The following PHF11 variants were observed in gnomAD, a reference collection of about 807,000 sequenced individuals.
The protein encoded by PHF11 is PHD finger protein 11, also known as BRCA1 C-terminus-associated protein.
In PHF11, 38 loss-of-function variants were observed where a neutral mutation model predicts 40.5. That is an observed-to-expected ratio of 0.94 (90% CI 0.72 to 1.23). PHF11 has a LOEUF of 1.23. PHF11 is among the 50% of genes most tolerant of loss of function. PHF11 has a pLI of 0.00. For missense variants in PHF11, 369 were observed against 392.4 expected (o/e 0.94, Z 0.50); for synonymous variants, 127 against 138.2 (o/e 0.92, Z 0.57).
chr13:49,519,076 C>T (rs1324772623), intron 4 of PHF11, among the ~76,000 whole-genome samples: 1 of 152,060 alleles, frequency 6.6e-6, no homozygotes, highest in Non-Finnish European at 1.5e-5. Flanking sequence ...ACCTCGTGAT[C>T]CGCCCGCCTC....
chr13:49,516,864 C>A (rs750029718), intron 3 of PHF11, among the ~76,000 whole-genome samples: 1 of 152,180 alleles, frequency 6.6e-6, no homozygotes, highest in African/African-American at 2.4e-5. Context: ...GGATTACAGG[C>A]ATGGGCCACC....
chr13:49,525,894 C>T (rs904145534), intron 8 of PHF11: 7 of 433,020 alleles, frequency 1.6e-5, no homozygotes, highest in Admixed American at 2.7e-5. Flanking sequence ...GGGGGCCAGG[C>T]GCGGTGGCTC....
chr13:49,498,695 A>T (rs1958858877), intron 1 of PHF11, among the ~76,000 whole-genome samples: 1 of 152,244 alleles, frequency 6.6e-6, no homozygotes, highest in Non-Finnish European at 1.5e-5. Flanking sequence ...TAAAGAATGC[A>T]GTGGGATCAT....
intron 3 of PHF11, among the ~76,000 whole-genome samples, chr13:49,515,502 AC>A (rs1178625697): frequency 7.3e-5 from 8 of 110,320 alleles, no homozygotes; most frequent in Non-Finnish European, 1.5e-4. Context: ...ACACACACAC[AC>A]ATTCTCCATC....
chr13:49,508,780 G>A (rs1196308246), intron 2 of PHF11, among the ~76,000 whole-genome samples: 1 of 151,764 alleles, frequency 6.6e-6, no homozygotes, highest in African/African-American at 2.4e-5. Context: ...TCTTTTTCTT[G>A]TGTTTTTCCA....
rs1226584667 is a variant in PHF11, at chr13:49,508,319, A to AATATATTACTATATTC, written c.216+1587_216+1602dup. Among the ~76,000 whole-genome samples, 6 of 124,506 alleles carry AATATATTACTATATTC rather than the reference A, an allele frequency of 4.8e-5. No homozygotes were observed. The East Asian group carries it at 8.5e-4, about 18-fold the overall frequency. 81.7% of individuals were successfully genotyped at this position (124,506 alleles called of 152,430 possible). A position where few individuals can be genotyped will look rare whatever the true frequency, so the allele number is the denominator to read the frequency against. ...AATATAAATAATATGCATTTTATAT[A>AATATATTACTATATTC]ATATATTACTATATTCATATATTAC... is the stretch of plus-strand genomic sequence containing the variant. On this transcript the variant is annotated intron_variant, in intron 2 of 9. Transcript: ENST00000378319.
In PHF11 at chr13:49,520,916, C is replaced by T. The variant is rs376876588; in HGVS notation, c.481C>T (p.Gln161Ter). 8.2e-6 allele frequency: 13 copies of T among 1,583,212 alleles called. No individual in the cohort carries two copies. Among genetic ancestry groups the T allele is most frequent in the East Asian group, 2.2e-5 (1 of 44,508 alleles). The change falls in exon 5 of 10, where the codon CAA (glutamine) becomes TAA (stop). Residue 161 changes from glutamine (Q) to a stop codon, truncating the protein, a stop_gained. Transcript: ENST00000378319. LOFTEE classifies it high-confidence loss of function. The part of the protein sequence containing the change: ...IYKLLCQQHA[Q>*]FPIIAQSAKF... ...CAGACTGCTTTGCCAGCAACATGCT[C>T]AATTCCCGATCATCGCTCAAAGTGG...
intron 1 of PHF11, among the ~76,000 whole-genome samples, chr13:49,501,237 TC>T (rs1365850837): frequency 6.6e-6 from 1 of 152,106 alleles, no homozygotes; most frequent in Admixed American, 6.5e-5. Flanking sequence ...GCTCTTGAAC[TC>T]CCGACCTCAG....
intron 4 of PHF11, among the ~76,000 whole-genome samples, chr13:49,519,618 CAGA>C (rs1018042842): frequency 6.6e-5 from 10 of 151,442 alleles, no homozygotes; most frequent in African/African-American, 1.9e-4. Context: ...GTGGGAAGGC[CAGA>C]AGAAGGGTCA....
intron 2 of PHF11, among the ~76,000 whole-genome samples, chr13:49,509,073 C>A (rs1330862651): frequency 6.6e-6 from 1 of 152,080 alleles, no homozygotes; most frequent in African/African-American, 2.4e-5. Context: ...TATTTTATTT[C>A]ACTTTTTTAT....
Position 49,518,086 on chromosome 13 carries a change from C to A in PHF11, c.393C>A (p.Tyr131Ter). Residue 131 changes from tyrosine to a stop codon, truncating the protein, a stop_gained, in exon 4 of 10, where the codon TAC (tyrosine) becomes TAA (stop). Transcript: ENST00000378319. LOFTEE classifies it high-confidence loss of function. ...ATTTAAAAAACTGTAACAAGAATTACCACTTTTTCTGTGCCAAGAAGGACG... is the reference window on the plus strand; with the variant it reads ...ATTTAAAAAACTGTAACAAGAATTAACACTTTTTCTGTGCCAAGAAGGACG... ...GCDLKNCNKN[Y>*]HFFCAKKDDA... 6.3e-7 allele frequency: 1 copy of A among 1,599,524 alleles called. No homozygotes were observed. The highest frequency in any genetic ancestry group is 8.6e-7 in the Non-Finnish European group (1 of 1,167,614).
At chr13:49,504,628 C>A (rs1328312224) in intron 1 of PHF11, among the ~76,000 whole-genome samples, 2 of 148,074 alleles carry the variant, frequency 1.4e-5, no homozygotes, top group South Asian at 2.1e-4. Context: ...CCGCCCCGTC[C>A]GGGAGGTGAG....
intron 3 of PHF11, among the ~76,000 whole-genome samples, chr13:49,513,522 G>C (rs1244891421): frequency 6.6e-6 from 1 of 151,950 alleles, no homozygotes; most frequent in Non-Finnish European, 1.5e-5. Context: ...GTAGAGACAG[G>C]GTTTCACCAT....
chr13:49,497,041 G>A, intron 1 of PHF11: 1 of 1,240,418 alleles, frequency 8.1e-7, no homozygotes, highest in Non-Finnish European at 1.0e-6. Flanking sequence ...ATGTTTCATG[G>A]GCTTACCTTT....
chr13:49,518,015 T>C lies in PHF11; in HGVS notation c.325-3T>C. On this transcript the variant is annotated splice_polypyrimidine_tract_variant and splice_region_variant and intron_variant, in intron 3 of 9. Transcript: ENST00000378319. ...TTACTCAGTAAAATCTATTCTTCTG[T>C]AGAAATGCAAATTTTGTCATAAAAG... 1 of 1,506,294 alleles carries C rather than the reference T, an allele frequency of 6.6e-7. No homozygotes were observed. Among genetic ancestry groups the C allele is most frequent in the Non-Finnish European group, 9.1e-7 (1 of 1,095,554 alleles). The allele number at this position is 1,506,294 out of a possible 1,614,324, so 93.3% of individuals were successfully genotyped here. A position where few individuals can be genotyped will look rare whatever the true frequency, so the allele number is the denominator to read the frequency against.
intron 5 of PHF11, chr13:49,521,193 A>G: frequency 1.3e-5 from 15 of 1,131,316 alleles, no homozygotes; most frequent in Non-Finnish European, 1.6e-5. Flanking sequence ...CGCTCACAGA[A>G]CCAAACTAAG....
At chr13:49,515,833 C>A (rs1959146078) in intron 3 of PHF11, among the ~76,000 whole-genome samples, 1 of 152,156 alleles carries the variant, frequency 6.6e-6, no homozygotes, top group Non-Finnish European at 1.5e-5. Context: ...AGTTTATGTT[C>A]CCCGTGCAGA....
chr13:49,520,492 T>G (rs1959182565), intron 4 of PHF11, among the ~76,000 whole-genome samples: 1 of 152,226 alleles, frequency 6.6e-6, no homozygotes, highest in Non-Finnish European at 1.5e-5. Context: ...AAATTAATGC[T>G]TGCAATTTTG....
At chr13:49,496,425 C>T (rs1051048689) in intron 1 of PHF11, 27 of 1,072,718 alleles carry the variant, frequency 2.5e-5, no homozygotes, top group Non-Finnish European at 3.0e-5. Context: ...GATGTCAACT[C>T]TCCTAGCGCC....
Sources: gnomAD v4.1 joint callset for allele counts (sites outside exome capture counted in the v4.1 genomes callset) on GRCh38, gnomAD v4.1.1 for gene constraint, MANE v1.5 for transcripts, NCBI Gene and HGNC (gene_info 2026-07-23, HGNC 2026-07-21) for gene names.